The following C1QTNF9B variants were observed in gnomAD, a reference collection of about 807,000 sequenced individuals.
C1QTNF9B encodes C1q and TNF related 9B, also known as complement C1q and tumor necrosis factor-related protein 9B.
A neutral mutation model predicts 10.1 loss-of-function variants in C1QTNF9B; 9 were observed. That is an observed-to-expected ratio of 0.89 (90% CI 0.53 to 1.55). The LOEUF (loss-of-function observed/expected upper bound fraction) is 1.55, where lower values mean the gene tolerates loss of function less well. Among genes scored for constraint, C1QTNF9B ranks in the 40% most tolerant of loss-of-function variants. C1QTNF9B has a pLI of 0.00. For synonymous variants in C1QTNF9B, 79 were observed against 159.9 expected, an observed-to-expected ratio of 0.49 and a Z score of 3.82; for missense variants, 196 against 414.4, an observed-to-expected ratio of 0.47 and a Z score of 4.58.
intron 2 of C1QTNF9B, among the ~76,000 whole-genome samples, chr13:23,893,020 A>G (rs976693212): frequency 9.9e-5 from 15 of 152,048 alleles, no homozygotes; most frequent in African/African-American, 3.6e-4. Context: ...ATCTACAGAA[A>G]CCTTGCTGCT....
At chr13:23,895,518 A>G (rs1872170400) in intron 1 of C1QTNF9B, among the ~76,000 whole-genome samples, 1 of 152,188 alleles carries the variant, frequency 6.6e-6, no homozygotes, top group Non-Finnish European at 1.5e-5. Flanking sequence ...AAAAATAGAT[A>G]TAACATTTGC....
chr13:23,891,293 T>G (rs4081187), exon 3 of C1QTNF9B: 29 of 1,517,706 alleles, frequency 1.9e-5, no homozygotes, highest in South Asian at 1.3e-4. Context: ...CCTCTGTCAC[T>G]GGCTGCTGAA....
upstream of C1QTNF9B, chr13:23,897,173 C>T (rs191606407): frequency 5.9e-6 from 4 of 679,936 alleles, no homozygotes; most frequent in East Asian, 1.1e-4. Context: ...TGGTTATTAC[C>T]AGGATGACAT....
upstream of C1QTNF9B, chr13:23,897,148 G>T (rs1872232611): frequency 1.9e-5 from 18 of 935,266 alleles, no homozygotes; most frequent in South Asian, 3.3e-4. Context: ...GAAGACTCAG[G>T]GCAGGGGAGC....
chr13:23,893,487 T>C (rs1872090140), intron 2 of C1QTNF9B, among the ~76,000 whole-genome samples: 1 of 152,158 alleles, frequency 6.6e-6, no homozygotes. Flanking sequence ...TGGTTTTTGT[T>C]TGTGACAGGG....
chr13:23,891,616 C>G, exon 3 of C1QTNF9B: 1 of 1,612,990 alleles, frequency 6.2e-7, no homozygotes, highest in Non-Finnish European at 8.5e-7. Flanking sequence ...TATACAGGAT[C>G]TTATCAAATT....
At chr13:23,893,678 C>T (rs965974859) in intron 2 of C1QTNF9B, among the ~76,000 whole-genome samples, 1 of 152,128 alleles carries the variant, frequency 6.6e-6, no homozygotes, top group Non-Finnish European at 1.5e-5. Context: ...CTATGTTGCC[C>T]AGGGTGGTCT....
chr13:23,897,325 G>T (rs1376857174), upstream of C1QTNF9B: 4 of 395,370 alleles, frequency 1.0e-5, no homozygotes, highest in Non-Finnish European at 1.8e-5. Context: ...ACAGACCAAT[G>T]CTTACTTATC....
intron 1 of C1QTNF9B, among the ~76,000 whole-genome samples, chr13:23,895,814 G>A (rs1452438779): frequency 6.6e-6 from 1 of 151,916 alleles, no homozygotes; most frequent in Non-Finnish European, 1.5e-5. Context: ...GAGGGCAGAA[G>A]ACCTGATTTC....
intron 1 of C1QTNF9B, among the ~76,000 whole-genome samples, chr13:23,895,669 C>A (rs904745413): frequency 6.6e-6 from 1 of 151,960 alleles, no homozygotes; most frequent in African/African-American, 2.4e-5. Context: ...ACCTATTTAT[C>A]TCCTTTTATG....
At chr13:23,892,095 T>G (rs1158641220) in intron 2 of C1QTNF9B, 34 bp from the exon 5 acceptor site, 2 of 1,608,302 alleles carry the variant, frequency 1.2e-6, no homozygotes, top group Non-Finnish European at 1.7e-6. Context: ...AGAGATAGTT[T>G]GTGAAAGATT....
At chr13:23,894,472 G>C (rs1872128502) in intron 1 of C1QTNF9B, 2 of 629,566 alleles carry the variant, frequency 3.2e-6, no homozygotes, top group African/African-American at 3.6e-5. Context: ...AGCAAGACAG[G>C]ACGAAGAGGG....
chr13:23,893,096 G>C (rs1344144772), intron 2 of C1QTNF9B, among the ~76,000 whole-genome samples: 2 of 152,176 alleles, frequency 1.3e-5, no homozygotes, highest in Non-Finnish European at 2.9e-5. Context: ...CTAAGTGCCA[G>C]GTTTCCATTC....
chr13:23,895,171 T>C (rs144914571), intron 1 of C1QTNF9B, among the ~76,000 whole-genome samples: 72 of 152,106 alleles, frequency 4.7e-4, no homozygotes, highest in African/African-American at 1.6e-3. Context: ...CCCTCCCCTC[T>C]ACTGGCTGCT....
intron 1 of C1QTNF9B, among the ~76,000 whole-genome samples, chr13:23,894,871 C>T (rs185395002): frequency 1.3e-5 from 2 of 152,318 alleles, no homozygotes; most frequent in African/African-American, 4.8e-5. Context: ...GAAGGTGGCT[C>T]TGGCTATGGC....
intron 2 of C1QTNF9B, among the ~76,000 whole-genome samples, chr13:23,892,388 C>T (rs1313821570): frequency 2.6e-5 from 4 of 152,204 alleles, no homozygotes; most frequent in South Asian, 2.1e-4. Context: ...AGCTCAGTGG[C>T]TTATGCCTGT....
At chr13:23,897,081 A>G, upstream of C1QTNF9B, 1 of 1,552,000 alleles carries the variant, frequency 6.4e-7, no homozygotes, top group African/African-American at 1.4e-5. Flanking sequence ...CGTTCTGTGC[A>G]GTGGGAAATG....
chr13:23,895,482 C>A (rs571930191), intron 1 of C1QTNF9B, among the ~76,000 whole-genome samples: 2 of 151,894 alleles, frequency 1.3e-5, no homozygotes, highest in Non-Finnish European at 2.9e-5. Flanking sequence ...ATATATATTA[C>A]AAATAATACT....
At position 23,891,191 on chromosome 13, in the gene C1QTNF9B, G is replaced by A. The variant is rs986106793; in HGVS notation, c.*98C>T. 6.1e-4 allele frequency: 688 copies of A among 1,136,996 alleles called. 41 individuals carry two copies. Among genetic ancestry groups the A allele is most frequent in the Non-Finnish European group, 7.7e-4 (640 of 828,558 alleles). 70.4% of individuals were successfully genotyped at this position (1,136,996 alleles called of 1,614,324 possible). A position where few individuals can be genotyped will look rare whatever the true frequency, so the allele number is the denominator to read the frequency against. On this transcript the variant is annotated 3_prime_UTR_variant, in exon 3 of 3. Coordinates refer to ENST00000382137, the Ensembl canonical transcript of C1QTNF9B. ...CCGTTTTCACCTTTTTATGATTATT[G>A]TAATAATTGGAGGAATTAATAAAGT... is the stretch of plus-strand genomic sequence containing the variant.
Sources: gnomAD v4.1 joint callset for allele counts (sites outside exome capture counted in the v4.1 genomes callset) on GRCh38, gnomAD v4.1.1 for gene constraint, MANE v1.5 for transcripts, NCBI Gene and HGNC (gene_info 2026-07-23, HGNC 2026-07-21) for gene names.